SGCZ: variants seen among roughly 807,000 people sequenced by gnomAD.
SGCZ encodes the protein zeta-sarcoglycan.
In SGCZ, 40 loss-of-function variants were observed where a neutral mutation model predicts 41.3. The ratio of observed to expected loss-of-function variants is 0.97; its 90% CI spans 0.75 to 1.26. The LOEUF (loss-of-function observed/expected upper bound fraction) is 1.26. Among genes scored for constraint, SGCZ ranks in the 50% most tolerant of loss-of-function variants. The probability of loss-of-function intolerance (pLI) is 0.00; values close to 1 mark genes in which losing one functional copy is unlikely to be tolerated. For missense variants in SGCZ, 552 were observed against 369.8 expected (o/e 1.49, Z -4.04); for synonymous variants, 206 against 137.5 (o/e 1.50, Z -3.49).
chr8:14,984,923 CT>C (rs1374788574), intron 1 of SGCZ, among the ~76,000 whole-genome samples: 4 of 71,112 alleles, frequency 5.6e-5, no homozygotes, highest in Non-Finnish European at 9.8e-5. Flanking sequence ...ACCTTCATAA[CT>C]TTTTTTGTGG....
intron 1 of SGCZ, among the ~76,000 whole-genome samples, chr8:14,938,164 T>G (rs1800146754): frequency 6.6e-6 from 1 of 152,202 alleles, no homozygotes; most frequent in Admixed American, 6.5e-5. Context: ...TTCTGCATGT[T>G]GAAATACATT....
intron 1 of SGCZ, among the ~76,000 whole-genome samples, chr8:14,667,995 C>T (rs923110595): frequency 1.3e-5 from 2 of 152,128 alleles, no homozygotes; most frequent in East Asian, 1.9e-4. Flanking sequence ...CTCACTCTGT[C>T]GCCCAGGCTG....
At chr8:14,790,399 T>A (rs55915306) in intron 1 of SGCZ, among the ~76,000 whole-genome samples, 53,787 of 152,056 alleles carry the variant, frequency 0.35, 11,667 homozygotes, top group East Asian at 0.49. Flanking sequence ...CACATATGAC[T>A]GATGCAAATG....
rs186423395 is a variant in SGCZ, at chr8:15,041,987, G to A, written c.39+195598C>T. On this transcript the variant is annotated intron_variant, in intron 1 of 7. Transcript: ENST00000382080. ...GTACATAAGATAAAAAAGGCTAAAG[G>A]AAGAAAATGAAAATATTTAGTATGT... 1.2e-3 allele frequency among the ~76,000 whole-genome samples: 181 copies of A among 152,180 alleles called. 3 individuals are homozygous for A. Among genetic ancestry groups the A allele is most frequent in the Admixed American group, 0.011 (165 of 15,272 alleles).
intron 1 of SGCZ, among the ~76,000 whole-genome samples, chr8:14,694,438 G>C (rs1808894554): frequency 6.6e-6 from 1 of 152,136 alleles, no homozygotes; most frequent in African/African-American, 2.4e-5. Context: ...ACTTTAGTCT[G>C]TGTTTATTAT....
At chr8:14,818,197 C>T (rs538225399) in intron 1 of SGCZ, among the ~76,000 whole-genome samples, 4 of 152,134 alleles carry the variant, frequency 2.6e-5, no homozygotes, top group African/African-American at 9.7e-5. Flanking sequence ...TAACAGCCAG[C>T]CTGTCAACAG....
intron 3 of SGCZ, among the ~76,000 whole-genome samples, chr8:14,289,995 G>C (rs6530753): frequency 5.3e-5 from 8 of 151,418 alleles, no homozygotes; most frequent in Non-Finnish European, 7.4e-5. Flanking sequence ...TTAAACAGCA[G>C]ATCTTGTGAG....
intron 4 of SGCZ, among the ~76,000 whole-genome samples, chr8:14,199,631 C>A (rs1168137514): frequency 6.6e-6 from 1 of 152,036 alleles, no homozygotes; most frequent in Non-Finnish European, 1.5e-5. Flanking sequence ...CTCCCCCGGA[C>A]ACGCAGCTTT....
At chr8:14,141,264 C>T (rs979503198) in intron 5 of SGCZ, among the ~76,000 whole-genome samples, 1 of 152,142 alleles carries the variant, frequency 6.6e-6, no homozygotes, top group East Asian at 1.9e-4. Context: ...TGGGCAAGAA[C>T]TTCAGGACTA....
chr8:14,902,936 T>G (rs1036371022), intron 1 of SGCZ, among the ~76,000 whole-genome samples: 3 of 152,150 alleles, frequency 2.0e-5, no homozygotes, highest in Non-Finnish European at 4.4e-5. Flanking sequence ...GAAAAACGAT[T>G]TGTATTGGCA....
At chr8:14,480,083 G>A (rs1459216718) in intron 2 of SGCZ, among the ~76,000 whole-genome samples, 1 of 152,092 alleles carries the variant, frequency 6.6e-6, no homozygotes, top group Non-Finnish European at 1.5e-5. Flanking sequence ...CTAACCATTT[G>A]TCTTCAATTA....
intron 1 of SGCZ, among the ~76,000 whole-genome samples, chr8:14,957,485 A>T (rs1216164298): frequency 6.6e-6 from 1 of 152,040 alleles, no homozygotes; most frequent in Non-Finnish European, 1.5e-5. Flanking sequence ...ATTTTGACAT[A>T]GATGCATATT....
chr8:14,938,986 G>C (rs1800177400), intron 1 of SGCZ, among the ~76,000 whole-genome samples: 1 of 152,112 alleles, frequency 6.6e-6, no homozygotes, highest in Non-Finnish European at 1.5e-5. Context: ...GTGTCTTTCA[G>C]TCTGCGCCCT....
intron 2 of SGCZ, among the ~76,000 whole-genome samples, chr8:14,348,147 C>A (rs1458945488): frequency 6.6e-6 from 1 of 152,056 alleles, no homozygotes; most frequent in Non-Finnish European, 1.5e-5. Context: ...AATATGGTAT[C>A]AATTCACACC....
chr8:14,997,722 G>A lies in SGCZ; in HGVS notation c.39+239863C>T, dbSNP rs899281813. On this transcript the variant is annotated intron_variant, in intron 1 of 7. Coordinates refer to ENST00000382080, the MANE Select transcript of SGCZ (RefSeq NM_139167.4). ...CACCCATAATCCCAGCACTTTTGGAGGCCAAGGCAGGCGGACCACTTGAGG... is the reference window on the plus strand; with the variant it reads ...CACCCATAATCCCAGCACTTTTGGAAGCCAAGGCAGGCGGACCACTTGAGG... Among the ~76,000 whole-genome samples, 6 of 152,158 alleles carry A rather than the reference G, an allele frequency of 3.9e-5. No individual in the cohort carries two copies. The South Asian group carries it at 1.0e-3, about 26-fold the overall frequency.
intron 2 of SGCZ, among the ~76,000 whole-genome samples, chr8:14,480,361 A>AT (rs897326013): frequency 2.0e-5 from 3 of 151,810 alleles, no homozygotes; most frequent in Non-Finnish European, 2.9e-5. Context: ...ATATTCTCTT[A>AT]TTTTTTCTCC....
rs556303955 is a variant in SGCZ, at chr8:14,699,841, A to G, written c.40-144915T>C. 2.0e-5 allele frequency among the ~76,000 whole-genome samples: 3 copies of G among 152,178 alleles called. No individual in the cohort carries two copies. The South Asian group carries it at 6.2e-4, about 32-fold the overall frequency. ...AAGAAGACATACATGCAGCCAACGA[A>G]TATATAAAAATATGCTCAACACCAC... is the stretch of plus-strand genomic sequence containing the variant. On this transcript the variant is annotated intron_variant, in intron 1 of 7. Transcript: ENST00000382080.
At chr8:15,022,693 T>C (rs1276799994) in intron 1 of SGCZ, among the ~76,000 whole-genome samples, 1 of 152,124 alleles carries the variant, frequency 6.6e-6, no homozygotes, top group Non-Finnish European at 1.5e-5. Context: ...TGATACAGGA[T>C]CAGTATGCTA....
intron 1 of SGCZ, among the ~76,000 whole-genome samples, chr8:15,138,097 G>A (rs1247486890): frequency 5.3e-5 from 8 of 152,186 alleles, no homozygotes; most frequent in Admixed American, 5.2e-4. Context: ...GTGAGACACG[G>A]AATCAAAGGA....
Sources: allele counts gnomAD v4.1 joint callset (sites outside exome capture counted in the v4.1 genomes callset), GRCh38; gene constraint gnomAD v4.1.1; transcripts MANE v1.5; gene names NCBI Gene and HGNC (gene_info 2026-07-23, HGNC 2026-07-21).